The following EVA1C variants were observed in gnomAD, a reference collection of about 807,000 sequenced individuals.
The protein encoded by EVA1C is eva-1 homolog C.
EVA1C carries 25 observed loss-of-function variants against 45.4 expected under a neutral mutation model. The ratio of observed to expected loss-of-function variants is 0.55; its 90% CI spans 0.40 to 0.77. EVA1C has a LOEUF of 0.77. Ranked by LOEUF, EVA1C falls within the 30% of genes least tolerant of loss-of-function variation. The probability of loss-of-function intolerance (pLI) is 0.00; values close to 1 mark genes in which losing one functional copy is unlikely to be tolerated. For missense variants in EVA1C, 479 were observed against 554.8 expected, an observed-to-expected ratio of 0.86 and a Z score of 1.37; for synonymous variants, 190 against 221.2, an observed-to-expected ratio of 0.86 and a Z score of 1.25.
intron 7 of EVA1C, among the ~76,000 whole-genome samples, chr21:32,507,908 T>TGTGTGC (rs2037818780): frequency 1.7e-5 from 1 of 57,862 alleles, no homozygotes; most frequent in Admixed American, 2.1e-4. Flanking sequence ...TGTGTATCTG[T>TGTGTGC]GTGTGTGCGT....
intron 1 of EVA1C, among the ~76,000 whole-genome samples, chr21:32,440,234 T>C (rs2035124302): frequency 6.6e-6 from 1 of 152,180 alleles, no homozygotes; most frequent in South Asian, 2.1e-4. Context: ...TAGTAAAAAG[T>C]TGCATTAAGT....
intron 4 of EVA1C, among the ~76,000 whole-genome samples, chr21:32,485,193 T>C (rs1003490217): frequency 1.3e-5 from 2 of 151,940 alleles, no homozygotes; most frequent in Admixed American, 6.6e-5. Flanking sequence ...ATCACTCTCT[T>C]TTTTTTTGAA....
intron 4 of EVA1C, among the ~76,000 whole-genome samples, chr21:32,469,495 G>GT (rs1316698089): frequency 6.6e-6 from 1 of 152,160 alleles, no homozygotes; most frequent in Non-Finnish European, 1.5e-5. Flanking sequence ...CTTCTTAGAG[G>GT]TGATGGCCAT....
chr21:32,498,694 C>T (rs1286246346), intron 5 of EVA1C, among the ~76,000 whole-genome samples: 1 of 152,098 alleles, frequency 6.6e-6, no homozygotes, highest in African/African-American at 2.4e-5. Flanking sequence ...ACTAGCTGCA[C>T]ACTAGGGGCC....
intron 1 of EVA1C, among the ~76,000 whole-genome samples, chr21:32,414,295 G>A (rs996410811): frequency 6.6e-6 from 1 of 152,158 alleles, no homozygotes; most frequent in African/African-American, 2.4e-5. Context: ...CTTTTCAAGG[G>A]CTATTAACTT....
intron 1 of EVA1C, among the ~76,000 whole-genome samples, chr21:32,420,788 T>G (rs1174858950): frequency 6.6e-6 from 1 of 152,242 alleles, no homozygotes; most frequent in Non-Finnish European, 1.5e-5. Context: ...GTTGTAGCTA[T>G]AAAGGAGATG....
chr21:32,497,321 A>G, intron 5 of EVA1C: 1 of 634,254 alleles, frequency 1.6e-6, no homozygotes, highest in Non-Finnish European at 2.8e-6. Context: ...ATATAGGTGG[A>G]CTTTTTTAAT....
chr21:32,427,401 G>A (rs13047836), intron 1 of EVA1C, among the ~76,000 whole-genome samples: 4,894 of 152,162 alleles, frequency 0.032, 117 homozygotes, highest in Non-Finnish European at 0.049. Context: ...AGTATTTACC[G>A]CTGGGTATAG....
chr21:32,513,517 A>G (rs543393104), intron 7 of EVA1C, among the ~76,000 whole-genome samples: 15 of 141,998 alleles, frequency 1.1e-4, no homozygotes, highest in African/African-American at 3.9e-4. Context: ...AATAATATAC[A>G]TATTTATATT....
chr21:32,495,526 C>G lies in EVA1C; in HGVS notation c.778+356C>G, dbSNP rs372189503. Among the ~76,000 whole-genome samples, 194 of 152,262 alleles carry G rather than the reference C, an allele frequency of 1.3e-3. 7 individuals carry two copies. The South Asian group carries it at 0.039, about 30-fold the overall frequency. On this transcript the variant is annotated intron_variant, in intron 5 of 7. Coordinates refer to ENST00000300255, the MANE Select transcript of EVA1C (RefSeq NM_058187.5). ...AATTTATTGGGATGTCATGCGAGTT[C>G]ACAGTCGAATTATGTGTCTCCTATT...
chr21:32,442,056 G>A (rs926208811), intron 1 of EVA1C, among the ~76,000 whole-genome samples: 11 of 152,136 alleles, frequency 7.2e-5, no homozygotes, highest in African/African-American at 7.2e-5. Context: ...TTTTCCACTG[G>A]CCCACTGTAC....
intron 7 of EVA1C, among the ~76,000 whole-genome samples, chr21:32,512,777 G>A (rs1327686754): frequency 6.6e-6 from 1 of 152,160 alleles, no homozygotes; most frequent in Non-Finnish European, 1.5e-5. Flanking sequence ...CCAAGACAGA[G>A]AAGTTGAGTT....
intron 4 of EVA1C, among the ~76,000 whole-genome samples, chr21:32,482,259 C>T (rs1280788839): frequency 2.0e-5 from 3 of 152,222 alleles, no homozygotes; most frequent in African/African-American, 4.8e-5. Context: ...AGCTTAGAGA[C>T]AGCTGAGGAG....
At position 32,473,170 on chromosome 21, in the gene EVA1C, A is replaced by C. The variant is rs554915573; in HGVS notation, c.634+5322A>C. ...AACCTTTGGCTCTCTGAGCTGGTGCATTTTCTCCATCTAATTGAATGCTAT... is the reference window on the plus strand; with the variant it reads ...AACCTTTGGCTCTCTGAGCTGGTGCCTTTTCTCCATCTAATTGAATGCTAT... On this transcript the variant is annotated intron_variant, in intron 4 of 7. Coordinates refer to ENST00000300255, the MANE Select transcript of EVA1C (RefSeq NM_058187.5). 1.3e-5 allele frequency among the ~76,000 whole-genome samples: 2 copies of C among 152,298 alleles called. 1 individual carries two copies. Among genetic ancestry groups the C allele is most frequent in the South Asian group, 4.1e-4 (2 of 4,824 alleles).
chr21:32,437,021 G>A (rs1489519908), intron 1 of EVA1C, among the ~76,000 whole-genome samples: 8 of 152,172 alleles, frequency 5.3e-5, no homozygotes, highest in Non-Finnish European at 7.3e-5. Context: ...TTAGCCGGGC[G>A]TGGTGGCGGG....
At chr21:32,451,549 G>T (rs2035581201) in intron 1 of EVA1C, among the ~76,000 whole-genome samples, 1 of 152,172 alleles carries the variant, frequency 6.6e-6, no homozygotes, top group African/African-American at 2.4e-5. Context: ...TTCACAGTCT[G>T]CTGCAACCCC....
chr21:32,418,684 C>T (rs2034146911), intron 1 of EVA1C, among the ~76,000 whole-genome samples: 1 of 152,096 alleles, frequency 6.6e-6, no homozygotes, highest in Admixed American at 6.5e-5. Flanking sequence ...CAGGGCTGGC[C>T]AGAGTACAGG....
chr21:32,495,785 G>A (rs2037333885), intron 5 of EVA1C, among the ~76,000 whole-genome samples: 1 of 152,184 alleles, frequency 6.6e-6, no homozygotes, highest in Non-Finnish European at 1.5e-5. Flanking sequence ...CAAATCAGCA[G>A]TTTATTATTT....
chr21:32,412,988 G>T lies in EVA1C; in HGVS notation c.135G>T (p.Glu45Asp), dbSNP rs749086920. The change falls in exon 1 of 8, where the codon GAG becomes GAT. Residue 45 changes from glutamate to aspartate, a missense_variant. Coordinates refer to ENST00000300255, the MANE Select transcript of EVA1C (RefSeq NM_058187.5). Reference sequence around the variant, plus strand: ...GCACTGTCCTGGTCTGCTCCAAAGAGATCTCAGCGCTCACCGACTTCTCTG... The same window carrying T: ...GCACTGTCCTGGTCTGCTCCAAAGATATCTCAGCGCTCACCGACTTCTCTG... ...FYCTVLVCSK[E>D]ISALTDFSGY... The T allele has an allele frequency of 1.9e-5, 28 of 1,465,980 alleles. No homozygotes were observed. The highest frequency in any genetic ancestry group is 2.3e-5 in the Non-Finnish European group (25 of 1,101,432). 90.8% of individuals were successfully genotyped at this position (1,465,980 alleles called of 1,614,324 possible). A position where few individuals can be genotyped will look rare whatever the true frequency, so the allele number is the denominator to read the frequency against.
Sources: allele counts gnomAD v4.1 joint callset (sites outside exome capture counted in the v4.1 genomes callset), GRCh38; gene constraint gnomAD v4.1.1; transcripts MANE v1.5; gene names NCBI Gene and HGNC (gene_info 2026-07-23, HGNC 2026-07-21).